Variants in MEGF11 observed in about 807,000 individuals in gnomAD.
MEGF11 encodes the protein multiple epidermal growth factor-like domains protein 11.
Under a neutral mutation model 146.6 loss-of-function variants are expected in MEGF11, and 126 were observed. The observed-to-expected ratio is 0.86, with a 90% CI of 0.74 to 1.00. The LOEUF (loss-of-function observed/expected upper bound fraction) is 1.00, where lower values mean the gene tolerates loss of function less well. Ranked by LOEUF, MEGF11 falls within the 50% of genes least tolerant of loss-of-function variation. The pLI, the probability that MEGF11 is intolerant of heterozygous loss-of-function variation, is 0.00. For missense variants in MEGF11, 1,509 were observed against 1,521.2 expected (o/e 0.99, Z 0.13); for synonymous variants, 532 against 583.4 (o/e 0.91, Z 1.27).
chr15:65,970,444 G>C, intron 8 of MEGF11, 109 bp downstream of exon 8: 2 of 1,282,656 alleles, frequency 1.6e-6, no homozygotes, highest in Non-Finnish European at 2.1e-6. Context: ...TGCTTTCTGA[G>C]AAAGGAACTG....
At chr15:65,970,879 C>T in intron 7 of MEGF11, 190 bp from the exon 8 acceptor site, 1 of 618,792 alleles carries the variant, frequency 1.6e-6, no homozygotes, top group South Asian at 2.0e-5. Flanking sequence ...CTTGCTCATC[C>T]AGTTATTCAG....
intron 1 of MEGF11, among the ~76,000 whole-genome samples, chr15:66,210,628 A>G (rs2091421073): frequency 6.6e-6 from 1 of 152,210 alleles, no homozygotes. Context: ...CACTCAAAGG[A>G]AAATCGACTG....
rs1567179993 is a variant in MEGF11, at chr15:65,965,591, TCTTTC to T, written c.900-476_900-472del. Reference sequence around the variant, plus strand: ...AGGTCCCTTTCTTTCTTTCTTTCTTTCTTTCTTTCTTTTTTTTTTTTCTTTTTTTT... The same window carrying T: ...AGGTCCCTTTCTTTCTTTCTTTCTTTTTTCTTTTTTTTTTTTCTTTTTTTT... On this transcript the variant is annotated intron_variant, in intron 8 of 25. Coordinates refer to ENST00000395614, the MANE Select transcript of MEGF11 (RefSeq NM_001385028.1). Among the ~76,000 whole-genome samples the T allele has an allele frequency of 3.9e-4, 12 of 30,536 alleles. 1 individual carries two copies. Among genetic ancestry groups the T allele is most frequent in the East Asian group, 1.6e-3 (1 of 634 alleles). The allele number at this position is 30,536 out of a possible 152,430, so 20.0% of individuals were successfully genotyped here. A position where few individuals can be genotyped will look rare whatever the true frequency, so the allele number is the denominator to read the frequency against.
chr15:65,980,982 T>G lies in MEGF11; in HGVS notation c.642-84A>C, dbSNP rs1242677198. 6.2e-6 allele frequency: 9 copies of G among 1,443,848 alleles called. No homozygotes were observed. In the African/African-American group the frequency reaches 7.2e-5, roughly 11 times the overall value. 89.4% of individuals were successfully genotyped at this position (1,443,848 alleles called of 1,614,324 possible). On this transcript the variant is annotated intron_variant, in intron 6 of 25. Coordinates refer to ENST00000395614, the MANE Select transcript of MEGF11 (RefSeq NM_001385028.1). ...CAGTGCTCCAGGGTTCCCTAGGAAT[T>G]CCTCCGCAGTTAATGGATCTGTATT...
intron 4 of MEGF11, among the ~76,000 whole-genome samples, chr15:66,106,934 C>T (rs1454796426): frequency 3.3e-5 from 5 of 152,196 alleles, no homozygotes; most frequent in Non-Finnish European, 1.5e-5. Flanking sequence ...AAGACCCCCA[C>T]CTTCCTATCA....
At chr15:66,076,404 G>T (rs1384368765) in intron 5 of MEGF11, among the ~76,000 whole-genome samples, 1 of 151,738 alleles carries the variant, frequency 6.6e-6, no homozygotes, top group Admixed American at 6.6e-5. Flanking sequence ...CTTCTAATTG[G>T]GCTGAATTAT....
At chr15:66,237,324 C>G (rs2092116567) in intron 1 of MEGF11, among the ~76,000 whole-genome samples, 1 of 115,510 alleles carries the variant, frequency 8.7e-6, no homozygotes, top group Admixed American at 8.7e-5. Context: ...TTCCAACTCA[C>G]TCCCCCCAAC....
chr15:65,915,568 C>T lies in MEGF11; in HGVS notation c.2375G>A (p.Cys792Tyr). 2 of 1,613,948 alleles carry T rather than the reference C, an allele frequency of 1.2e-6. No homozygotes were observed. The highest frequency in any genetic ancestry group is 1.7e-6 in the Non-Finnish European group (2 of 1,179,872). The stretch of plus-strand genomic sequence containing the variant: ...GTTCATGCACTCACATAGCTGCTGA[C>T]ACCCATAGCCAAAGGTTCCTGGGGC... ...RCAPGTFGYG[C>Y]QQLCECMNNS... Residue 792 changes from cysteine to tyrosine, a missense_variant, in exon 19 of 26, where the codon TGT becomes TAT. Coordinates refer to ENST00000395614, the MANE Select transcript of MEGF11 (RefSeq NM_001385028.1).
chr15:66,063,645 C>A (rs986827261), intron 5 of MEGF11, among the ~76,000 whole-genome samples: 1 of 152,178 alleles, frequency 6.6e-6, no homozygotes, highest in African/African-American at 2.4e-5. Flanking sequence ...CCAAGTGGGG[C>A]TTAGGAGAGA....
intron 5 of MEGF11, among the ~76,000 whole-genome samples, chr15:66,065,199 G>A (rs1597045788): frequency 6.6e-6 from 1 of 151,856 alleles, no homozygotes; most frequent in East Asian, 1.9e-4. Flanking sequence ...ATATTCTTTG[G>A]CAGTTATCAG....
chr15:65,986,481 A>G (rs1210576257), intron 5 of MEGF11, among the ~76,000 whole-genome samples: 3 of 152,188 alleles, frequency 2.0e-5, no homozygotes, highest in Non-Finnish European at 1.5e-5. Flanking sequence ...ATTTCCCACC[A>G]GAGTGATTAA....
chr15:66,191,788 C>G (rs918822453), intron 1 of MEGF11, among the ~76,000 whole-genome samples: 6 of 152,198 alleles, frequency 3.9e-5, no homozygotes, highest in Non-Finnish European at 7.3e-5. Flanking sequence ...ATAAAAAGAC[C>G]TACTAGGCGG....
intron 1 of MEGF11, among the ~76,000 whole-genome samples, chr15:66,147,589 G>A (rs1034273918): frequency 6.6e-6 from 1 of 152,222 alleles, no homozygotes; most frequent in East Asian, 1.9e-4. Context: ...TGCTAACCAG[G>A]TAGGGCAACA....
chr15:66,235,683 T>G (rs1437227878), intron 1 of MEGF11, among the ~76,000 whole-genome samples: 1 of 152,116 alleles, frequency 6.6e-6, no homozygotes, highest in Non-Finnish European at 1.5e-5. Context: ...AGAGCAGTGA[T>G]GTTCTCTAAA....
intron 1 of MEGF11, among the ~76,000 whole-genome samples, chr15:66,205,742 C>T (rs956664365): frequency 2.0e-5 from 3 of 152,178 alleles, no homozygotes; most frequent in Non-Finnish European, 2.9e-5. Flanking sequence ...AGAGGACAAG[C>T]GGGGAATCTA....
intron 6 of MEGF11, among the ~76,000 whole-genome samples, chr15:65,981,784 A>G (rs929491062): frequency 7.2e-5 from 11 of 152,160 alleles, no homozygotes. Context: ...AAATCTGTAC[A>G]TGGTATCTGC....
chr15:66,098,629 G>C (rs2140728909), intron 4 of MEGF11, among the ~76,000 whole-genome samples: 1 of 152,300 alleles, frequency 6.6e-6, no homozygotes, highest in South Asian at 2.1e-4. Flanking sequence ...CCCGAACCCA[G>C]TCTCCCCAGT....
At chr15:66,148,927 G>C (rs907188159) in intron 1 of MEGF11, among the ~76,000 whole-genome samples, 1 of 152,228 alleles carries the variant, frequency 6.6e-6, no homozygotes, top group Non-Finnish European at 1.5e-5. Flanking sequence ...TGAATAGTAA[G>C]AGGACTTTTA....
chr15:66,113,518 G>T (rs2087551675), intron 4 of MEGF11, among the ~76,000 whole-genome samples: 1 of 150,928 alleles, frequency 6.6e-6, no homozygotes, highest in African/African-American at 2.4e-5. Context: ...AGTGAGGCAT[G>T]CTTTCTCCCT....
Sources: gnomAD v4.1 joint callset for allele counts (sites outside exome capture counted in the v4.1 genomes callset) on GRCh38, gnomAD v4.1.1 for gene constraint, MANE v1.5 for transcripts, NCBI Gene and HGNC (gene_info 2026-07-23, HGNC 2026-07-21) for gene names.